The following PCYT1B variants were observed in gnomAD, a reference collection of about 807,000 sequenced individuals.
PCYT1B encodes choline-phosphate cytidylyltransferase B.
Under a neutral mutation model 26.4 loss-of-function variants are expected in PCYT1B, and 10 were observed. The observed-to-expected ratio is 0.38, with a 90% CI of 0.23 to 0.64. The LOEUF is 0.64. Ranked by LOEUF, PCYT1B falls within the 30% of genes least tolerant of loss-of-function variation. PCYT1B has a pLI of 0.56. For missense variants in PCYT1B, 161 were observed against 292.7 expected (o/e 0.55, Z 3.28); for synonymous variants, 131 against 108.4 (o/e 1.21, Z -1.29).
intron 5 of PCYT1B, among the ~76,000 whole-genome samples, chrX:24,583,379 G>A (rs1435732023): frequency 9.0e-6 from 1 of 111,566 alleles, no homozygotes; most frequent in Non-Finnish European, 1.9e-5. Flanking sequence ...CGAGCCTTCA[G>A]ATGACCACAG....
At chrX:24,658,470 T>C (rs1385477762) in intron 1 of PCYT1B, among the ~76,000 whole-genome samples, 1 of 109,355 alleles carries the variant, frequency 9.1e-6, no homozygotes, top group African/African-American at 3.3e-5. Context: ...CAGGACTGCA[T>C]TTCTTCTGGA....
rs1924394114 is a variant in PCYT1B, at chrX:24,587,102, G to A, written c.565+139C>T. 8 of 452,963 alleles carry A rather than the reference G, an allele frequency of 1.8e-5. No individual in the cohort carries two copies. The South Asian group carries it at 2.5e-4, about 14-fold the overall frequency. The allele number at this position is 452,963 out of a possible 1,213,427, so 37.3% of individuals were successfully genotyped here. A position where few individuals can be genotyped will look rare whatever the true frequency, so the allele number is the denominator to read the frequency against. ...CCTTAGCACATGCTAACAGTGGCTT[G>A]TAGAAGCCGCCTGGGGGACACCTAA... On this transcript the variant is annotated intron_variant, in intron 5 of 7. Transcript: ENST00000379144.
Position 24,572,971 on chromosome X carries a change from T to C in PCYT1B, c.897+2159A>G, listed in dbSNP as rs7878801. On this transcript the variant is annotated intron_variant, in intron 7 of 7. Coordinates refer to ENST00000379144, the MANE Select transcript of PCYT1B (RefSeq NM_004845.5). ...ACACATATACACACATACACACACA[T>C]ATATATACACATATATACAAACACA... Among the ~76,000 whole-genome samples, 8 of 106,397 alleles carry C rather than the reference T, an allele frequency of 7.5e-5. No individual in the cohort carries two copies. In the East Asian group the frequency reaches 2.0e-3, roughly 27 times the overall value. The allele number at this position is 106,397 out of a possible 115,157, so 92.4% of individuals were successfully genotyped here. A position where few individuals can be genotyped will look rare whatever the true frequency, so the allele number is the denominator to read the frequency against.
At chrX:24,579,279 A>G (rs1924130101) in intron 6 of PCYT1B, 37 bp downstream of exon 6, 3 of 1,189,887 alleles carry the variant, frequency 2.5e-6, no homozygotes, top group Non-Finnish European at 3.4e-6. Flanking sequence ...GTGGTGTGGC[A>G]TGGTGGTCTT....
chrX:24,603,522 G>T (rs933577267), intron 3 of PCYT1B, among the ~76,000 whole-genome samples: 6 of 111,560 alleles, frequency 5.4e-5, no homozygotes, highest in Non-Finnish European at 9.4e-5. Flanking sequence ...TTTGAGACCA[G>T]TCTGGGCAAC....
chrX:24,577,344 TC>T (rs1924053833), intron 6 of PCYT1B, among the ~76,000 whole-genome samples: 1 of 112,500 alleles, frequency 8.9e-6, no homozygotes, highest in South Asian at 3.7e-4. Flanking sequence ...AAGTGGCTTA[TC>T]TAAACGCCGT....
At position 24,560,091 on chromosome X, in the gene PCYT1B, A is replaced by G. The variant is rs1923349742; in HGVS notation, c.*2202T>C. 1 of 112,105 alleles carries G rather than the reference A, an allele frequency of 8.9e-6. No homozygotes were observed. The highest frequency in any genetic ancestry group is 3.2e-5 in the African/African-American group (1 of 30,848). The allele number at this position is 112,105 out of a possible 1,213,427, so 9.2% of individuals were successfully genotyped here. A position where few individuals can be genotyped will look rare whatever the true frequency, so the allele number is the denominator to read the frequency against. On this transcript the variant is annotated 3_prime_UTR_variant, in exon 8 of 8. Transcript: ENST00000379144. ...TGCAAATGTATAGTCAGCCTGATAC[A>G]CTATTTGCTCCAGAGTATAAGATTC...
At chrX:24,585,122 G>A (rs1446074240) in intron 5 of PCYT1B, among the ~76,000 whole-genome samples, 12 of 110,625 alleles carry the variant, frequency 1.1e-4, no homozygotes, top group Non-Finnish European at 1.9e-4. Context: ...GGGGAGGAGT[G>A]CAGAGAGGGA....
upstream of PCYT1B, among the ~76,000 whole-genome samples, chrX:24,651,246 A>C (rs2148275781): frequency 9.3e-6 from 1 of 107,903 alleles, no homozygotes; most frequent in South Asian, 4.1e-4. Context: ...TCATGAGGTC[A>C]AGAGATCGAG....
At chrX:24,617,607 C>T (rs1268257168) in intron 2 of PCYT1B, among the ~76,000 whole-genome samples, 1 of 108,552 alleles carries the variant, frequency 9.2e-6, no homozygotes, top group Non-Finnish European at 1.9e-5. Context: ...GCCACCACGC[C>T]TGGCTAATTT....
At chrX:24,659,513 C>A (rs1375744970) in intron 1 of PCYT1B, among the ~76,000 whole-genome samples, 1 of 111,932 alleles carries the variant, frequency 8.9e-6, no homozygotes, top group Non-Finnish European at 1.9e-5. Flanking sequence ...CACGAGTATA[C>A]AAATATCCTA....
chrX:24,575,039 T>G, intron 7 of PCYT1B, 91 bp downstream of exon 7: 21 of 694,975 alleles, frequency 3.0e-5, no homozygotes, highest in Non-Finnish European at 4.2e-5. Flanking sequence ...GCAGTGGATC[T>G]GAGATAAGGG....
At chrX:24,589,942 C>A in intron 4 of PCYT1B, 81 bp downstream of exon 4, 2 of 838,835 alleles carry the variant, frequency 2.4e-6, no homozygotes, top group Non-Finnish European at 3.4e-6. Flanking sequence ...TTGAGAGAGA[C>A]TTTGGGCTTT....
In PCYT1B at chrX:24,575,130, C is replaced by T; in HGVS notation, c.897G>A (p.Trp299Ter). The T allele has an allele frequency of 8.5e-7, 1 of 1,180,715 alleles. No homozygotes were observed. The highest frequency in any genetic ancestry group is 1.1e-6 in the Non-Finnish European group (1 of 879,254). The change falls in exon 7 of 8, where the codon TGG becomes TGA. Residue 299 changes from tryptophan (W) to a stop codon, truncating the protein, a stop_gained and splice_region_variant. Transcript: ENST00000379144. LOFTEE classifies it high-confidence loss of function. ...FLELFGPDGA[W>*]KQMFQERSSR... The stretch of plus-strand genomic sequence containing the variant: ...GGGGTAAAGTGAAATCATTACATAC[C>T]CATGCTCCATCAGGTCCAAACAGTT...
rs750360462 is a variant in PCYT1B, at chrX:24,595,533, A to G, written c.335-5359T>C. Among the ~76,000 whole-genome samples, 7 of 111,172 alleles carry G rather than the reference A, an allele frequency of 6.3e-5. No individual in the cohort carries two copies. In the South Asian group the frequency reaches 2.7e-3, roughly 43 times the overall value. Reference sequence around the variant, plus strand: ...GACTGGAGGCCCCGCTCCTGTTTCTATAAACATTGTGGACACTTGTTTGAC... The same window carrying G: ...GACTGGAGGCCCCGCTCCTGTTTCTGTAAACATTGTGGACACTTGTTTGAC... On this transcript the variant is annotated intron_variant, in intron 3 of 7. Transcript: ENST00000379144.
At chrX:24,567,334 C>G (rs1206585444) in intron 7 of PCYT1B, among the ~76,000 whole-genome samples, 1 of 112,237 alleles carries the variant, frequency 8.9e-6, no homozygotes, top group Non-Finnish European at 1.9e-5. Flanking sequence ...TGCAAAATAA[C>G]TCCCAGCCTC....
At chrX:24,578,640 G>C (rs1924100553) in intron 6 of PCYT1B, among the ~76,000 whole-genome samples, 1 of 112,067 alleles carries the variant, frequency 8.9e-6, no homozygotes, top group Non-Finnish European at 1.9e-5. Context: ...ATGAGCATCT[G>C]TAAGGCCTTA....
chrX:24,666,304 A>G (rs1214635815), intron 1 of PCYT1B, among the ~76,000 whole-genome samples: 1 of 111,432 alleles, frequency 9.0e-6, no homozygotes, highest in African/African-American at 3.3e-5. Context: ...CATGCATCCA[A>G]GATAAATGTG....
intron 1 of PCYT1B, among the ~76,000 whole-genome samples, chrX:24,655,566 T>C (rs183293018): frequency 2.0e-3 from 222 of 112,156 alleles, no homozygotes; most frequent in Non-Finnish European, 3.0e-3. Context: ...GCGGATCACC[T>C]GAGGTCAGGA....
Sources: gnomAD v4.1 joint callset for allele counts (sites outside exome capture counted in the v4.1 genomes callset) on GRCh38, gnomAD v4.1.1 for gene constraint, MANE v1.5 for transcripts, NCBI Gene and HGNC (gene_info 2026-07-23, HGNC 2026-07-21) for gene names.